Variants in XKR4 observed in about 807,000 individuals in gnomAD.
XKR4 encodes the protein XK related 4, also known as XK-related protein 4.
In XKR4, 12 loss-of-function variants were observed where a neutral mutation model predicts 53.9. The observed-to-expected ratio is 0.22, with a 90% confidence interval of 0.14 to 0.36. XKR4 has a LOEUF of 0.36. Ranked by LOEUF, XKR4 falls within the 10% of genes least tolerant of loss-of-function variation. The pLI is 1.00. For synonymous variants in XKR4, 354 were observed against 362.4 expected (o/e 0.98, Z 0.26); for missense variants, 799 against 859.5 (o/e 0.93, Z 0.88).
intron 2 of XKR4, chr8:55,451,314 G>C: frequency 1.7e-6 from 1 of 602,526 alleles, no homozygotes; most frequent in African/African-American, 1.9e-5. Context: ...CCGCCGCCAT[G>C]GGGTTAGACA....
At chr8:55,177,388 AAG>A (rs1817250042) in intron 1 of XKR4, among the ~76,000 whole-genome samples, 6 of 152,308 alleles carry the variant, frequency 3.9e-5, no homozygotes, top group African/African-American at 1.4e-4. Context: ...TAACACAGTT[AAG>A]TACTGGGCTC....
At chr8:55,481,747 A>C (rs1240913284) in intron 2 of XKR4, among the ~76,000 whole-genome samples, 1 of 152,214 alleles carries the variant, frequency 6.6e-6, no homozygotes, top group African/African-American at 2.4e-5. Flanking sequence ...ATATGAACAC[A>C]CACTTCTCAA....
intron 2 of XKR4, among the ~76,000 whole-genome samples, chr8:55,489,643 T>C (rs1806245035): frequency 6.6e-6 from 1 of 152,114 alleles, no homozygotes; most frequent in South Asian, 2.1e-4. Flanking sequence ...TTATACTAGA[T>C]CTATTCACTT....
At chr8:55,334,640 T>C (rs1410749340) in intron 1 of XKR4, among the ~76,000 whole-genome samples, 1 of 152,164 alleles carries the variant, frequency 6.6e-6, no homozygotes, top group Non-Finnish European at 1.5e-5. Context: ...ACCAACCTCA[T>C]ATACCTGTGC....
At chr8:55,137,355 T>C (rs1188043576) in intron 1 of XKR4, among the ~76,000 whole-genome samples, 5 of 152,190 alleles carry the variant, frequency 3.3e-5, no homozygotes, top group African/African-American at 1.2e-4. Flanking sequence ...TTGTCCATTA[T>C]TTACCAGTCA....
At chr8:55,253,059 G>A (rs1250185814) in intron 1 of XKR4, among the ~76,000 whole-genome samples, 25 of 152,102 alleles carry the variant, frequency 1.6e-4, no homozygotes, top group Admixed American at 1.6e-3. Context: ...CACAGGGAGT[G>A]GAAAGAACAC....
At chr8:55,422,242 T>TA (rs946927602) in intron 2 of XKR4, among the ~76,000 whole-genome samples, 1 of 152,094 alleles carries the variant, frequency 6.6e-6, no homozygotes, top group Non-Finnish European at 1.5e-5. Context: ...CTAAAAGATA[T>TA]AAAAAATATA....
intron 1 of XKR4, among the ~76,000 whole-genome samples, chr8:55,240,620 C>T (rs942872642): frequency 6.6e-5 from 10 of 151,996 alleles, no homozygotes; most frequent in African/African-American, 2.2e-4. Flanking sequence ...CCTTATTTTC[C>T]CCACAAGGAG....
chr8:55,408,171 G>C (rs1804715507), intron 2 of XKR4, among the ~76,000 whole-genome samples: 3 of 152,184 alleles, frequency 2.0e-5, no homozygotes, highest in Admixed American at 2.0e-4. Context: ...TTACAGAAGA[G>C]CCTTCAGGGA....
chr8:55,309,982 G>A (rs920952143), intron 1 of XKR4, among the ~76,000 whole-genome samples: 3 of 152,026 alleles, frequency 2.0e-5, no homozygotes, highest in African/African-American at 7.2e-5. Context: ...CTATTTATGA[G>A]GATCCTTAAT....
At chr8:55,469,832 C>T (rs1470210168) in intron 2 of XKR4, among the ~76,000 whole-genome samples, 2 of 152,094 alleles carry the variant, frequency 1.3e-5, no homozygotes, top group African/African-American at 4.8e-5. Context: ...CAGGAAACTA[C>T]CGAACTCTGC....
chr8:55,320,913 A>C (rs1289224648), intron 1 of XKR4, among the ~76,000 whole-genome samples: 2 of 152,108 alleles, frequency 1.3e-5, no homozygotes, highest in Non-Finnish European at 2.9e-5. Context: ...AACTCCTTGA[A>C]TGAAAGGACC....
chr8:55,395,064 A>T (rs1804495193), intron 2 of XKR4, among the ~76,000 whole-genome samples: 1 of 152,130 alleles, frequency 6.6e-6, no homozygotes, highest in South Asian at 2.1e-4. Flanking sequence ...AATGCCTGGG[A>T]TTATGAATAT....
chr8:55,446,149 T>A (rs1223940530), intron 2 of XKR4, among the ~76,000 whole-genome samples: 68 of 141,480 alleles, frequency 4.8e-4, no homozygotes, highest in Non-Finnish European at 7.7e-4. Context: ...ATAGCGTTAT[T>A]CCCAGGAAGG....
chr8:55,384,367 T>G (rs1049078062), intron 2 of XKR4, among the ~76,000 whole-genome samples: 1 of 152,252 alleles, frequency 6.6e-6, no homozygotes, highest in Admixed American at 6.5e-5. Flanking sequence ...GTGTTATTTA[T>G]TTTTTATTAT....
intron 1 of XKR4, among the ~76,000 whole-genome samples, chr8:55,216,547 G>A (rs1447950158): frequency 6.6e-6 from 1 of 152,064 alleles, no homozygotes; most frequent in Non-Finnish European, 1.5e-5. Flanking sequence ...GTCCAACATG[G>A]AGAAACCCCA....
chr8:55,267,233 A>C (rs77210801), intron 1 of XKR4, among the ~76,000 whole-genome samples: 2 of 152,136 alleles, frequency 1.3e-5, no homozygotes, highest in Non-Finnish European at 1.5e-5. Context: ...AGAAAAAAAA[A>C]CCTATGGGTT....
chr8:55,501,447 T>G (rs940293958), intron 2 of XKR4, among the ~76,000 whole-genome samples: 1 of 150,470 alleles, frequency 6.6e-6, no homozygotes, highest in Non-Finnish European at 1.5e-5. Flanking sequence ...CATCAAACAC[T>G]AACTGTTAAT....
At chr8:55,481,257 T>C (rs1327263513) in intron 2 of XKR4, among the ~76,000 whole-genome samples, 1 of 152,136 alleles carries the variant, frequency 6.6e-6, no homozygotes, top group East Asian at 1.9e-4. Context: ...TCTACAACCA[T>C]CTGACTTTGA....
Sources: gnomAD v4.1 joint callset for allele counts (sites outside exome capture counted in the v4.1 genomes callset) on GRCh38, gnomAD v4.1.1 for gene constraint, MANE v1.5 for transcripts, NCBI Gene and HGNC (gene_info 2026-07-23, HGNC 2026-07-21) for gene names.